MDGA2: variants seen among roughly 807,000 people sequenced by gnomAD.
The protein encoded by MDGA2 is MAM domain-containing glycosylphosphatidylinositol anchor protein 2.
Under a neutral mutation model 117.8 loss-of-function variants are expected in MDGA2, and 40 were observed. The ratio of observed to expected loss-of-function variants is 0.34; its 90% CI spans 0.26 to 0.44. The LOEUF (loss-of-function observed/expected upper bound fraction) is 0.44. Among genes scored for constraint, MDGA2 ranks in the 20% least tolerant of loss-of-function variants. The pLI, the probability that MDGA2 is intolerant of heterozygous loss-of-function variation, is 1.00. For missense variants in MDGA2, 1,123 were observed against 1,250.6 expected, an observed-to-expected ratio of 0.90 and a Z score of 1.54; for synonymous variants, 452 against 439.0, an observed-to-expected ratio of 1.03 and a Z score of -0.37.
intron 4 of MDGA2, among the ~76,000 whole-genome samples, chr14:47,134,043 T>A (rs967657150): frequency 6.6e-6 from 1 of 152,096 alleles, no homozygotes; most frequent in Non-Finnish European, 1.5e-5. Flanking sequence ...TGTGCTTTGA[T>A]ATACATTGTA....
At chr14:47,071,155 C>T (rs761416684) in intron 6 of MDGA2, among the ~76,000 whole-genome samples, 133 of 152,102 alleles carry the variant, frequency 8.7e-4, no homozygotes, top group Non-Finnish European at 1.5e-3. Context: ...CAAAGAAATA[C>T]TTATGGTTAC....
intron 1 of MDGA2, among the ~76,000 whole-genome samples, chr14:47,551,998 G>A (rs917193052): frequency 1.1e-4 from 16 of 152,080 alleles, no homozygotes; most frequent in African/African-American, 3.4e-4. Context: ...GAAAGGATAC[G>A]TTATTTCTGA....
At chr14:47,221,317 C>A (rs890524872) in intron 2 of MDGA2, among the ~76,000 whole-genome samples, 4 of 151,948 alleles carry the variant, frequency 2.6e-5, no homozygotes, top group Admixed American at 1.3e-4. Context: ...TGAAACAGAT[C>A]TTGTTTATAC....
At chr14:47,177,306 T>C (rs1318021499) in intron 3 of MDGA2, among the ~76,000 whole-genome samples, 2 of 152,238 alleles carry the variant, frequency 1.3e-5, no homozygotes, top group East Asian at 3.9e-4. Flanking sequence ...ACTGGGTATA[T>C]ACCCAAAGGA....
At chr14:47,449,230 G>A (rs1015746620) in intron 1 of MDGA2, among the ~76,000 whole-genome samples, 3 of 151,992 alleles carry the variant, frequency 2.0e-5, no homozygotes, top group Non-Finnish European at 4.4e-5. Context: ...TGCTATTTGT[G>A]TCTGAAGAGT....
chr14:46,896,484 G>A (rs1239529399), intron 10 of MDGA2, among the ~76,000 whole-genome samples: 2 of 151,880 alleles, frequency 1.3e-5, no homozygotes, highest in Non-Finnish European at 2.9e-5. Context: ...TCTAACTTAT[G>A]TTGGCACGAA....
intron 1 of MDGA2, among the ~76,000 whole-genome samples, chr14:47,540,099 G>GC (rs1367931684): frequency 2.0e-5 from 3 of 151,922 alleles, no homozygotes; most frequent in Admixed American, 6.6e-5. Flanking sequence ...TGCAGGCTCC[G>GC]CCCCCCGGGG....
intron 1 of MDGA2, among the ~76,000 whole-genome samples, chr14:47,430,416 G>A (rs1892775728): frequency 6.6e-6 from 1 of 151,956 alleles, no homozygotes; most frequent in Non-Finnish European, 1.5e-5. Flanking sequence ...TAGTTTTCTA[G>A]GATTATCTTA....
chr14:46,986,811 T>C (rs541188479), intron 8 of MDGA2, among the ~76,000 whole-genome samples: 18 of 152,258 alleles, frequency 1.2e-4, no homozygotes, highest in African/African-American at 4.1e-4. Flanking sequence ...TATTCTACAC[T>C]TTTTAGCATA....
At chr14:47,105,860 G>C (rs148841944) in intron 5 of MDGA2, among the ~76,000 whole-genome samples, 2 of 151,470 alleles carry the variant, frequency 1.3e-5, no homozygotes, top group South Asian at 4.2e-4. Context: ...GCTGCTCCTC[G>C]CCAGGCTGAG....
intron 2 of MDGA2, among the ~76,000 whole-genome samples, chr14:47,262,620 G>A (rs946568667): frequency 1.3e-5 from 2 of 152,126 alleles, no homozygotes; most frequent in Non-Finnish European, 2.9e-5. Context: ...TCAATCTGAA[G>A]AATAGAAGTT....
At chr14:47,243,439 C>T (rs1045254558) in intron 2 of MDGA2, among the ~76,000 whole-genome samples, 1 of 151,776 alleles carries the variant, frequency 6.6e-6, no homozygotes, top group East Asian at 1.9e-4. Context: ...TTTGTTCTTT[C>T]ACTCTTTGCA....
chr14:47,300,742 C>G (rs1324938418), intron 2 of MDGA2, among the ~76,000 whole-genome samples: 1 of 151,970 alleles, frequency 6.6e-6, no homozygotes, highest in African/African-American at 2.4e-5. Context: ...CAAATGATCC[C>G]CTTGCCTCAG....
intron 1 of MDGA2, among the ~76,000 whole-genome samples, chr14:47,387,738 T>A (rs1161168442): frequency 2.6e-5 from 4 of 152,190 alleles, no homozygotes. Context: ...AGGATAAATA[T>A]ACTTAACTGA....
intron 5 of MDGA2, among the ~76,000 whole-genome samples, chr14:47,119,052 C>CTT (rs371151507): frequency 1.8e-4 from 22 of 124,348 alleles, no homozygotes; most frequent in African/African-American, 6.2e-4. Flanking sequence ...TACATATTCT[C>CTT]TTTTTTTTTT....
chr14:46,969,379 G>A (rs1886168265), intron 8 of MDGA2, among the ~76,000 whole-genome samples: 1 of 152,138 alleles, frequency 6.6e-6, no homozygotes, highest in South Asian at 2.1e-4. Context: ...GTGTAAAAGT[G>A]TTCCTATTTC....
At chr14:47,160,316 T>C (rs1883579082) in intron 3 of MDGA2, among the ~76,000 whole-genome samples, 1 of 152,208 alleles carries the variant, frequency 6.6e-6, no homozygotes, top group African/African-American at 2.4e-5. Context: ...GCTGCTATTC[T>C]ATTTCGGGCT....
chr14:47,053,447 A>G (rs1566594959), intron 7 of MDGA2, among the ~76,000 whole-genome samples: 1 of 151,540 alleles, frequency 6.6e-6, no homozygotes, highest in East Asian at 1.9e-4. Flanking sequence ...TCTCACAAAC[A>G]TACATCCTTT....
intron 1 of MDGA2, among the ~76,000 whole-genome samples, chr14:47,487,305 T>C (rs558383505): frequency 1.3e-5 from 2 of 152,308 alleles, no homozygotes; most frequent in South Asian, 4.1e-4. Flanking sequence ...CTAGAATCCA[T>C]CTGGATCTGA....
Sources: gnomAD v4.1 joint callset for allele counts (sites outside exome capture counted in the v4.1 genomes callset) on GRCh38, gnomAD v4.1.1 for gene constraint, MANE v1.5 for transcripts, NCBI Gene and HGNC (gene_info 2026-07-23, HGNC 2026-07-21) for gene names.